Variants in ASIC2 observed in about 807,000 individuals in gnomAD.
ASIC2 encodes the protein acid sensing ion channel subunit 2, also known as acid-sensing ion channel 2.
ASIC2 carries 25 observed loss-of-function variants against 57.3 expected under a neutral mutation model. That is an observed-to-expected ratio of 0.44 (90% confidence interval 0.32 to 0.61). The LOEUF is 0.61. Ranked by LOEUF, ASIC2 falls within the 20% of genes least tolerant of loss-of-function variation. The pLI, the probability that ASIC2 is intolerant of heterozygous loss-of-function variation, is 0.06. For synonymous variants in ASIC2, 319 were observed against 307.5 expected (o/e 1.04, Z -0.39); for missense variants, 641 against 738.1 (o/e 0.87, Z 1.52).
At chr17:33,181,972 G>A (rs1427640433) in intron 1 of ASIC2, among the ~76,000 whole-genome samples, 1 of 152,200 alleles carries the variant, frequency 6.6e-6, no homozygotes, top group Non-Finnish European at 1.5e-5. Flanking sequence ...GAACCCTGCA[G>A]TGACTTTGAT....
At chr17:33,884,495 G>C (rs935750372) in intron 1 of ASIC2, among the ~76,000 whole-genome samples, 1 of 152,060 alleles carries the variant, frequency 6.6e-6, no homozygotes, top group Admixed American at 6.6e-5. Context: ...TTCAGACTCT[G>C]AACTTTAGTG....
At chr17:33,689,801 C>A (rs1908310804) in intron 1 of ASIC2, among the ~76,000 whole-genome samples, 1 of 152,202 alleles carries the variant, frequency 6.6e-6, no homozygotes, top group African/African-American at 2.4e-5. Flanking sequence ...AGAGAAGACA[C>A]AGACACACAG....
intron 1 of ASIC2, among the ~76,000 whole-genome samples, chr17:33,232,224 G>T (rs1194648774): frequency 2.0e-5 from 3 of 152,108 alleles, no homozygotes; most frequent in African/African-American, 7.2e-5. Flanking sequence ...CTTTTCCCGT[G>T]CCATGCAAGG....
chr17:34,073,883 A>G (rs1450619444), intron 1 of ASIC2, among the ~76,000 whole-genome samples: 1 of 152,190 alleles, frequency 6.6e-6, no homozygotes, highest in African/African-American at 2.4e-5. Context: ...CTGGCCACCC[A>G]GGTGTGTGAA....
intron 1 of ASIC2, among the ~76,000 whole-genome samples, chr17:33,618,226 GTTTGT>G (rs997894287): frequency 2.8e-5 from 3 of 105,652 alleles, no homozygotes; most frequent in African/African-American, 1.3e-4. Context: ...GTTGTTGTTT[GTTTGT>G]TTTTTTGAGA....
At chr17:33,382,752 G>A (rs2141947167) in intron 1 of ASIC2, among the ~76,000 whole-genome samples, 1 of 152,350 alleles carries the variant, frequency 6.6e-6, no homozygotes, top group African/African-American at 2.4e-5. Flanking sequence ...AGCAGGGACT[G>A]CGTCATCTTC....
chr17:33,892,599 GC>G (rs990524215), intron 1 of ASIC2, among the ~76,000 whole-genome samples: 13 of 152,142 alleles, frequency 8.5e-5, no homozygotes, highest in African/African-American at 3.1e-4. Flanking sequence ...ATTGTACCTG[GC>G]AACTGACCAG....
At chr17:33,669,915 A>G (rs993814268) in intron 1 of ASIC2, among the ~76,000 whole-genome samples, 4 of 152,226 alleles carry the variant, frequency 2.6e-5, no homozygotes, top group Non-Finnish European at 5.9e-5. Flanking sequence ...GCGAGAGGAC[A>G]GAAGTGCACT....
chr17:33,895,576 A>C (rs1021353606), intron 1 of ASIC2, among the ~76,000 whole-genome samples: 2 of 152,182 alleles, frequency 1.3e-5, no homozygotes, highest in African/African-American at 2.4e-5. Context: ...TCCTTCTCTT[A>C]AGAAACAATA....
chr17:33,975,187 G>T (rs564786221), intron 1 of ASIC2, among the ~76,000 whole-genome samples: 1 of 152,166 alleles, frequency 6.6e-6, no homozygotes, highest in Non-Finnish European at 1.5e-5. Flanking sequence ...AATTGAGACC[G>T]TCTCCTGTTC....
chr17:34,091,168 C>T (rs1910316776), intron 1 of ASIC2, among the ~76,000 whole-genome samples: 1 of 152,246 alleles, frequency 6.6e-6, no homozygotes, highest in Non-Finnish European at 1.5e-5. Context: ...AATCATCCAG[C>T]CCTTGTCCAC....
At chr17:33,765,705 T>G (rs1009631884) in intron 1 of ASIC2, among the ~76,000 whole-genome samples, 3 of 152,122 alleles carry the variant, frequency 2.0e-5, no homozygotes, top group Non-Finnish European at 4.4e-5. Context: ...TGAGAGCAAG[T>G]TTTTGGAGAA....
intron 1 of ASIC2, among the ~76,000 whole-genome samples, chr17:33,385,214 C>T (rs1241743207): frequency 4.6e-5 from 7 of 152,210 alleles, no homozygotes; most frequent in Non-Finnish European, 8.8e-5. Context: ...GAGTATAAGA[C>T]TGAATAGACT....
intron 1 of ASIC2, among the ~76,000 whole-genome samples, chr17:33,812,025 C>T (rs1912436596): frequency 6.6e-6 from 1 of 152,194 alleles, no homozygotes; most frequent in Admixed American, 6.5e-5. Flanking sequence ...TCTCCCTGTT[C>T]CTGCACCACC....
intron 1 of ASIC2, among the ~76,000 whole-genome samples, chr17:33,207,424 T>C (rs1219701692): frequency 6.6e-6 from 1 of 152,198 alleles, no homozygotes; most frequent in Non-Finnish European, 1.5e-5. Flanking sequence ...TTCATATGTG[T>C]CATGTCATCA....
chr17:34,125,814 G>A lies in ASIC2; in HGVS notation c.555+30164C>T, dbSNP rs113337426. ...CCACAGCCGCTAAGACATGGTTTGC[G>A]GGTGAGCTGGAGCTTCTGAAACTGA... On this transcript the variant is annotated intron_variant, in intron 1 of 9. Coordinates refer to the ASIC2 transcript ENST00000359872. Among the ~76,000 whole-genome samples, 6 of 152,250 alleles carry A rather than the reference G, an allele frequency of 3.9e-5. No homozygotes were observed. The East Asian group carries it at 9.7e-4, about 25-fold the overall frequency.
chr17:33,719,621 G>A (rs903986457), intron 1 of ASIC2, among the ~76,000 whole-genome samples: 11 of 152,192 alleles, frequency 7.2e-5, no homozygotes, highest in South Asian at 4.1e-4. Context: ...CTTGTACAGC[G>A]CAAACATCAC....
At chr17:33,514,103 C>A (rs1054859572) in intron 1 of ASIC2, among the ~76,000 whole-genome samples, 1 of 152,216 alleles carries the variant, frequency 6.6e-6, no homozygotes, top group Non-Finnish European at 1.5e-5. Flanking sequence ...CAGCTGTAGG[C>A]AGTTTTCTCA....
chr17:33,896,979 T>C (rs1312119040), intron 1 of ASIC2, among the ~76,000 whole-genome samples: 1 of 152,214 alleles, frequency 6.6e-6, no homozygotes, highest in Non-Finnish European at 1.5e-5. Flanking sequence ...AAGGAGAAGC[T>C]AGTTGGTCCT....
Sources: gnomAD v4.1 joint callset for allele counts (sites outside exome capture counted in the v4.1 genomes callset) on GRCh38, gnomAD v4.1.1 for gene constraint, MANE v1.5 for transcripts, NCBI Gene and HGNC (gene_info 2026-07-23, HGNC 2026-07-21) for gene names.